Variants in KYAT1 observed in about 807,000 individuals in gnomAD.
KYAT1 encodes kynurenine--oxoglutarate transaminase 1.
Under a neutral mutation model 52.4 loss-of-function variants are expected in KYAT1, and 47 were observed. The observed-to-expected ratio is 0.90, with a 90% CI of 0.71 to 1.14. KYAT1 has a LOEUF of 1.14. Among genes scored for constraint, KYAT1 ranks in the 50% most tolerant of loss-of-function variants. The pLI is 0.00. For missense variants in KYAT1, 480 were observed against 557.9 expected, an observed-to-expected ratio of 0.86 and a Z score of 1.41; for synonymous variants, 212 against 209.6, an observed-to-expected ratio of 1.01 and a Z score of -0.10.
intron 1 of KYAT1, among the ~76,000 whole-genome samples, chr9:128,872,383 G>A (rs1407450752): frequency 2.0e-5 from 3 of 152,050 alleles, no homozygotes; most frequent in Non-Finnish European, 4.4e-5. Context: ...GGTGGAGACT[G>A]CAGTGAGCCA....
At chr9:128,837,022 G>C in intron 6 of KYAT1, 100 bp from the exon 7 acceptor site, 2 of 1,460,446 alleles carry the variant, frequency 1.4e-6, no homozygotes, top group Non-Finnish European at 1.8e-6. Context: ...GGCCAGGTGC[G>C]GTGGCTCACG....
intron 11 of KYAT1, among the ~76,000 whole-genome samples, chr9:128,834,607 T>C (rs1830670963): frequency 6.8e-6 from 1 of 147,506 alleles, no homozygotes; most frequent in African/African-American, 2.5e-5. Context: ...GTGGATCATC[T>C]GAGGTCAGGA....
chr9:128,859,422 C>G (rs138016568), intron 1 of KYAT1, among the ~76,000 whole-genome samples: 3,675 of 152,030 alleles, frequency 0.024, 149 homozygotes, highest in African/African-American at 0.084. Flanking sequence ...AATCCCAGCA[C>G]TTTGGGAGGC....
intron 1 of KYAT1, among the ~76,000 whole-genome samples, chr9:128,862,337 C>A (rs1464059666): frequency 6.6e-6 from 1 of 152,212 alleles, no homozygotes; most frequent in Non-Finnish European, 1.5e-5. Context: ...CTTTAATTTA[C>A]TAGGACTCAC....
At chr9:128,871,811 C>T (rs1837267870) in intron 1 of KYAT1, among the ~76,000 whole-genome samples, 1 of 152,078 alleles carries the variant, frequency 6.6e-6, no homozygotes, top group Non-Finnish European at 1.5e-5. Flanking sequence ...TCTTTACTTT[C>T]CACAGTAGTG....
intron 1 of KYAT1, among the ~76,000 whole-genome samples, chr9:128,851,783 G>A (rs560851452): frequency 4.7e-4 from 72 of 152,292 alleles, no homozygotes; most frequent in African/African-American, 1.5e-3. Flanking sequence ...TAGCAGAGCC[G>A]GTAATGGCTC....
chr9:128,879,382 CTGGCAGG>C, intron 1 of KYAT1, among the ~76,000 whole-genome samples: 1 of 152,042 alleles, frequency 6.6e-6, no homozygotes, highest in Admixed American at 6.6e-5. Context: ...CAGGTCTGTT[CTGGCAGG>C]AGTTACAGTG....
chr9:128,836,044 G>T lies in KYAT1; in HGVS notation c.718C>A (p.Leu240Met). Residue 240 changes from leucine (L) to methionine (M), a missense_variant, in exon 8 of 13, where the codon CTG becomes ATG. By Grantham distance (15) the Leu-to-Met change is conservative (BLOSUM62 2). Coordinates refer to ENST00000302586, the MANE Select transcript of KYAT1 (RefSeq NM_004059.5). ...ASLPGMWERTLTIGSAGKTFS... is the reference protein window; with the variant it reads ...ASLPGMWERTMTIGSAGKTFS... ...GTCTTGCCGGCGCTGCCGATGGTCA[G>T]GGTCCGTTCCCACATGCCAGGGAGG... The T allele has an allele frequency of 6.2e-7, 1 of 1,614,004 alleles. No individual in the cohort carries two copies. Among genetic ancestry groups the T allele is most frequent in the Non-Finnish European group, 8.5e-7 (1 of 1,179,904 alleles).
chr9:128,863,121 C>G (rs1835688104), intron 1 of KYAT1, among the ~76,000 whole-genome samples: 1 of 151,892 alleles, frequency 6.6e-6, no homozygotes, highest in South Asian at 2.1e-4. Flanking sequence ...GCCACCATGC[C>G]CGGCCAGAAG....
intron 1 of KYAT1, among the ~76,000 whole-genome samples, chr9:128,869,453 A>G (rs1836920021): frequency 6.6e-6 from 1 of 152,132 alleles, no homozygotes; most frequent in Non-Finnish European, 1.5e-5. Flanking sequence ...GAGCCACCGT[A>G]CCCGGCACCA....
At chr9:128,869,621 A>G (rs1286703325) in intron 1 of KYAT1, among the ~76,000 whole-genome samples, 1 of 152,038 alleles carries the variant, frequency 6.6e-6, no homozygotes, top group African/African-American at 2.4e-5. Context: ...TATTGCAGAG[A>G]TGGGGTCTCA....
chr9:128,845,500 G>A, intron 1 of KYAT1, 89 bp from the exon 2 acceptor site: 1 of 1,217,652 alleles, frequency 8.2e-7, no homozygotes, highest in Non-Finnish European at 1.2e-6. Flanking sequence ...CTGCTTTCAG[G>A]CCACAGCGCC....
intron 1 of KYAT1, among the ~76,000 whole-genome samples, chr9:128,871,664 A>G (rs1837245526): frequency 6.6e-6 from 1 of 152,062 alleles, no homozygotes; most frequent in African/African-American, 2.4e-5. Context: ...GTGAGCCATA[A>G]TCACAGCACT....
At position 128,835,545 on chromosome 9, in the gene KYAT1, T is replaced by C. The variant is rs1830900646; in HGVS notation, c.978A>G (p.Ser326=). ...GAGGGATGATGGGCTTCAGGCCCAC[T>C]GACTGTAGGCTACGTATCATGTGGT... ...CRDHMIRSLQ[S]VGLKPIIPQG... is the part of the protein sequence containing the mutation. The change falls in exon 10 of 13, where the codon TCA becomes TCG. Residue 326 remains serine (S), a synonymous_variant. Coordinates refer to ENST00000302586, the MANE Select transcript of KYAT1 (RefSeq NM_004059.5). 6.8e-6 allele frequency: 11 copies of C among 1,613,712 alleles called. No homozygotes were observed. The highest frequency in any genetic ancestry group is 1.3e-5 in the African/African-American group (1 of 75,060).
At chr9:128,859,139 G>T (rs527733727) in intron 1 of KYAT1, among the ~76,000 whole-genome samples, 1 of 152,210 alleles carries the variant, frequency 6.6e-6, no homozygotes, top group South Asian at 2.1e-4. Flanking sequence ...AAGGCAGGCG[G>T]ATCACGAGGT....
intron 7 of KYAT1, 103 bp downstream of exon 7, chr9:128,836,699 C>T: frequency 7.4e-7 from 1 of 1,356,342 alleles, no homozygotes; most frequent in South Asian, 1.4e-5. Flanking sequence ...TGCAGGGCTC[C>T]ATAACCCTGG....
chr9:128,858,134 C>A (rs942904642), intron 1 of KYAT1, among the ~76,000 whole-genome samples: 1 of 151,974 alleles, frequency 6.6e-6, no homozygotes, highest in African/African-American at 2.4e-5. Context: ...CGGTGGCTCA[C>A]GTCTGTAATC....
chr9:128,847,428 C>T (rs1833281647), intron 1 of KYAT1: 2 of 1,533,126 alleles, frequency 1.3e-6, no homozygotes, highest in Non-Finnish European at 1.7e-6. Flanking sequence ...GGTTAGGGCA[C>T]TTACAGTCTG....
At chr9:128,856,280 C>T (rs1165082055) in intron 1 of KYAT1, among the ~76,000 whole-genome samples, 2 of 152,228 alleles carry the variant, frequency 1.3e-5, no homozygotes, top group Non-Finnish European at 2.9e-5. Flanking sequence ...TTAACCCCAT[C>T]ACTTGGGTTA....
Sources: gnomAD v4.1 joint callset for allele counts (sites outside exome capture counted in the v4.1 genomes callset) on GRCh38, gnomAD v4.1.1 for gene constraint, MANE v1.5 for transcripts, NCBI Gene and HGNC (gene_info 2026-07-23, HGNC 2026-07-21) for gene names.